Variants in TJP2 observed in about 807,000 individuals in gnomAD.
TJP2 encodes Friedreich ataxia region gene X104 (tight junction protein ZO-2).
Under a neutral mutation model 133.1 loss-of-function variants are expected in TJP2, and 91 were observed. The observed-to-expected ratio is 0.68, with a 90% CI of 0.58 to 0.81. TJP2 has a LOEUF of 0.81. Ranked by LOEUF, TJP2 falls within the 40% of genes least tolerant of loss-of-function variation. The pLI is 0.00. For missense variants in TJP2, 1,541 were observed against 1,565.6 expected (o/e 0.98, Z 0.26); for synonymous variants, 592 against 583.4 (o/e 1.01, Z -0.21).
Position 69,237,047 on chromosome 9 carries a change from A to G in TJP2, c.2090A>G (p.Lys697Arg). The G allele has an allele frequency of 6.2e-7, 1 of 1,614,200 alleles. No individual in the cohort carries two copies. Among genetic ancestry groups the G allele is most frequent in the Non-Finnish European group, 8.5e-7 (1 of 1,180,042 alleles). ...CGTGGCCAGAGGTCTGGGGTGAAGAAGAACCTGAGGAAAAGTCGGGAAGAC... is the reference window on the plus strand; with the variant it reads ...CGTGGCCAGAGGTCTGGGGTGAAGAGGAACCTGAGGAAAAGTCGGGAAGAC... ...RMRGQRSGVK[K>R]NLRKSREDLT... Residue 697 changes from lysine to arginine, a missense_variant, in exon 14 of 23, where the codon AAG becomes AGG. By Grantham distance (26) the Lys-to-Arg change is conservative (BLOSUM62 2). Coordinates refer to ENST00000377245, the MANE Select transcript of TJP2 (RefSeq NM_004817.4).
chr9:69,166,472 G>A (rs1348646125), intron 2 of TJP2, among the ~76,000 whole-genome samples: 4 of 151,874 alleles, frequency 2.6e-5, no homozygotes, highest in East Asian at 2.0e-4. Flanking sequence ...GCCAGGCACC[G>A]TGGCTCATGC....
chr9:69,202,839 G>A lies in TJP2; in HGVS notation c.61-9709G>A, dbSNP rs143317258. On this transcript the variant is annotated intron_variant, in intron 1 of 22. Coordinates refer to ENST00000377245, the MANE Select transcript of TJP2 (RefSeq NM_004817.4). Reference sequence around the variant, plus strand: ...TATTGAAAAAAACCCATGGATAAGTGGACCAGGGCAGTTCAAACCTTGCTG... The same window carrying A: ...TATTGAAAAAAACCCATGGATAAGTAGACCAGGGCAGTTCAAACCTTGCTG... Among the ~76,000 whole-genome samples, 853 of 152,116 alleles carry A rather than the reference G, an allele frequency of 5.6e-3. 5 individuals carry two copies. Among genetic ancestry groups the A allele is most frequent in the Admixed American group, 9.0e-3 (138 of 15,272 alleles).
At chr9:69,193,958 T>C (rs1442200933) in intron 1 of TJP2, among the ~76,000 whole-genome samples, 2 of 152,188 alleles carry the variant, frequency 1.3e-5, no homozygotes, top group Admixed American at 6.5e-5. Flanking sequence ...CATTCAGTTA[T>C]TACGTTTATG....
At chr9:69,153,574 CTG>C (rs904003302) in intron 2 of TJP2, among the ~76,000 whole-genome samples, 1 of 152,012 alleles carries the variant, frequency 6.6e-6, no homozygotes, top group Non-Finnish European at 1.5e-5. Context: ...TACAGAGAAA[CTG>C]TCTCAAAAAA....
intron 1 of TJP2, chr9:69,145,885 C>A: frequency 9.5e-7 from 1 of 1,057,968 alleles, no homozygotes; most frequent in Non-Finnish European, 1.2e-6. Flanking sequence ...TTTGGGGACC[C>A]ATATAGAAAA....
chr9:69,134,932 GGAGAAGAGAGAAGAGGAGAGAGAGAGAGA>G (rs1335664351), intron 1 of TJP2, among the ~76,000 whole-genome samples: 21 of 150,652 alleles, frequency 1.4e-4, no homozygotes, highest in African/African-American at 4.4e-4. Context: ...GGAGAGAGAG[GGAGAAGAGAGAAGAGGAGAGAGAGAGAGA>G]GAGAAGAGAG....
Position 69,226,064 on chromosome 9 carries a change from C to T in TJP2, c.1099C>T (p.Arg367Ter), listed in dbSNP as rs1057515613. 6.2e-7 allele frequency: 1 copy of T among 1,614,006 alleles called. No individual in the cohort carries two copies. The highest frequency in any genetic ancestry group is 8.5e-7 in the Non-Finnish European group (1 of 1,180,006). ...VTENMSLTDA[R>*]KLIEKSRGKL... ...TGAGAACATGTCTTTAACGGATGCT[C>T]GAAAATTGATAGAAAAGTCAAGAGG... Residue 367 changes from arginine (R) to a stop codon, truncating the protein, a stop_gained, in exon 7 of 23, where the codon CGA becomes TGA. Coordinates refer to ENST00000377245, the MANE Select transcript of TJP2 (RefSeq NM_004817.4). LOFTEE classifies it high-confidence loss of function.
chr9:69,174,288 C>A lies in TJP2; in HGVS notation c.-85C>A. The A allele has an allele frequency of 3.9e-6, 6 of 1,549,050 alleles. No homozygotes were observed. The South Asian group carries it at 7.2e-5, about 18-fold the overall frequency. On this transcript the variant is annotated 5_prime_UTR_variant, in exon 1 of 23. Coordinates refer to ENST00000377245, the MANE Select transcript of TJP2 (RefSeq NM_004817.4). Reference sequence around the variant, plus strand: ...TTGGGCTGCGGGTCAGAGCACTGTCCGGTGGTGCCCAGGAGGAGTAGGAGC... The same window carrying A: ...TTGGGCTGCGGGTCAGAGCACTGTCAGGTGGTGCCCAGGAGGAGTAGGAGC...
intron 1 of TJP2, among the ~76,000 whole-genome samples, chr9:69,189,282 G>A (rs1826055709): frequency 6.6e-6 from 1 of 152,148 alleles, no homozygotes; most frequent in Non-Finnish European, 1.5e-5. Flanking sequence ...AAAGACCTAG[G>A]AAGTCTCCAC....
chr9:69,220,659 A>G (rs1828749620), intron 4 of TJP2, among the ~76,000 whole-genome samples: 1 of 152,200 alleles, frequency 6.6e-6, no homozygotes, highest in African/African-American at 2.4e-5. Context: ...TGGAGATACT[A>G]TTTTATTATT....
chr9:69,224,253 T>C (rs921290441), intron 5 of TJP2, among the ~76,000 whole-genome samples: 1 of 152,234 alleles, frequency 6.6e-6, no homozygotes, highest in Non-Finnish European at 1.5e-5. Flanking sequence ...TTCCTTTCAA[T>C]GCCAAGCTTC....
chr9:69,137,625 A>C (rs1341082183), intron 1 of TJP2, among the ~76,000 whole-genome samples: 1 of 151,542 alleles, frequency 6.6e-6, no homozygotes, highest in Non-Finnish European at 1.5e-5. Flanking sequence ...CGGCCTCCCA[A>C]AGTGCTGGGA....
rs1315432841 is a variant in TJP2 at position 69,125,662 on chromosome 9, C to T, written c.-131+3937C>T. On this transcript the variant is annotated intron_variant, in intron 1 of 5. Coordinates refer to the TJP2 transcript ENST00000423935. The stretch of plus-strand genomic sequence containing the variant: ...GGTCACTAGAATAAACACATGCACA[C>T]ACACACACTCGAATGTGAGTGCAAA... Among the ~76,000 whole-genome samples, 78 of 76,670 alleles carry T rather than the reference C, an allele frequency of 1.0e-3. 28 individuals carry two copies. Among genetic ancestry groups the T allele is most frequent in the African/African-American group, 3.1e-3 (77 of 25,032 alleles). The allele number at this position is 76,670 out of a possible 152,430, so 50.3% of individuals were successfully genotyped here.
intron 1 of TJP2, among the ~76,000 whole-genome samples, chr9:69,195,788 C>G (rs999956385): frequency 4.6e-5 from 7 of 152,206 alleles, no homozygotes; most frequent in African/African-American, 1.7e-4. Flanking sequence ...ACTCGACTCC[C>G]TTTCTGCACC....
intron 1 of TJP2, among the ~76,000 whole-genome samples, chr9:69,129,774 T>C (rs1257565149): frequency 6.6e-6 from 1 of 151,552 alleles, no homozygotes; most frequent in Non-Finnish European, 1.5e-5. Context: ...CCCAGCACTT[T>C]GGGAAGCTGA....
chr9:69,240,170 C>A (rs1456417451), intron 17 of TJP2, 23 bp downstream of exon 17: 16 of 1,589,302 alleles, frequency 1.0e-5, no homozygotes, highest in Non-Finnish European at 1.3e-5. Flanking sequence ...TAAATGTAGT[C>A]CCTTTGCTAA....
In TJP2 at chr9:69,151,818, C is replaced by CA. The variant is rs1823490861; in HGVS notation, c.-10+51dup. 9 of 1,231,828 alleles carry CA rather than the reference C, an allele frequency of 7.3e-6. No individual in the cohort carries two copies. The East Asian group carries it at 2.8e-4, about 39-fold the overall frequency. The allele number at this position is 1,231,828 out of a possible 1,614,324, so 76.3% of individuals were successfully genotyped here. A position where few individuals can be genotyped will look rare whatever the true frequency, so the allele number is the denominator to read the frequency against. On this transcript the variant is annotated intron_variant, in intron 2 of 5. Coordinates refer to the TJP2 transcript ENST00000423935. ...CATCAACCTAGTTACTGGTCTCCCC[C>CA]AAAATTTGTTCGAATAGTTACCGTT... is the stretch of plus-strand genomic sequence containing the variant.
chr9:69,161,018 G>T (rs1161024563), intron 2 of TJP2, among the ~76,000 whole-genome samples: 1 of 151,494 alleles, frequency 6.6e-6, no homozygotes, highest in Non-Finnish European at 1.5e-5. Context: ...GGATACAAAT[G>T]GGGTGAGAGA....
intron 1 of TJP2, among the ~76,000 whole-genome samples, chr9:69,142,259 A>T (rs1371466979): frequency 6.6e-6 from 1 of 152,232 alleles, no homozygotes; most frequent in Non-Finnish European, 1.5e-5. Context: ...TAATAGTTTA[A>T]ACCTAGTAGT....
Sources: gnomAD v4.1 joint callset for allele counts (sites outside exome capture counted in the v4.1 genomes callset) on GRCh38, gnomAD v4.1.1 for gene constraint, MANE v1.5 for transcripts, NCBI Gene and HGNC (gene_info 2026-07-23, HGNC 2026-07-21) for gene names.